Variants in DEPDC1B observed in about 807,000 individuals in gnomAD.
The protein encoded by DEPDC1B is DEP domain containing 1B, also known as DEP domain-containing protein 1B.
A neutral mutation model predicts 66.5 loss-of-function variants in DEPDC1B; 51 were observed. The ratio of observed to expected loss-of-function variants is 0.77; its 90% CI spans 0.61 to 0.97. DEPDC1B has a LOEUF of 0.97. DEPDC1B is among the 50% of genes least tolerant of loss of function. The probability of loss-of-function intolerance (pLI) is 0.00; values close to 1 mark genes in which losing one functional copy is unlikely to be tolerated. For synonymous variants in DEPDC1B, 226 were observed against 223.6 expected (o/e 1.01, Z -0.10); for missense variants, 552 against 637.1 (o/e 0.87, Z 1.44).
At position 60,597,717 on chromosome 5, in the gene DEPDC1B, C is replaced by T. The variant is rs769126100; in HGVS notation, c.*36G>A. On this transcript the variant is annotated 3_prime_UTR_variant, in exon 11 of 11. Transcript: ENST00000265036. ...AACCACCATTCACTCAAAACAACAA[C>T]AGTGGTCTCTAGCACCTGTTGCTGT... 123 of 1,591,422 alleles carry T rather than the reference C, an allele frequency of 7.7e-5. No homozygotes were observed. Among genetic ancestry groups the T allele is most frequent in the Non-Finnish European group, 1.0e-4 (119 of 1,173,400 alleles).
chr5:60,634,675 A>AAAAAAAATAAATAAAT (rs376885269), intron 7 of DEPDC1B, among the ~76,000 whole-genome samples: 1 of 146,458 alleles, frequency 6.8e-6, no homozygotes, highest in African/African-American at 2.5e-5. Flanking sequence ...CTGTCTCAAA[A>AAAAAAAATAAATAAAT]AAATAAATAA....
chr5:60,665,779 T>C (rs1221889777), intron 2 of DEPDC1B, among the ~76,000 whole-genome samples: 1 of 152,148 alleles, frequency 6.6e-6, no homozygotes, highest in Non-Finnish European at 1.5e-5. Context: ...TGCACCTACC[T>C]TTAAACACGG....
chr5:60,646,645 T>G (rs1753322959), intron 3 of DEPDC1B, among the ~76,000 whole-genome samples: 1 of 152,180 alleles, frequency 6.6e-6, no homozygotes. Flanking sequence ...CTGAACGAGG[T>G]GTCCTCAACC....
chr5:60,601,085 T>G (rs1752191571), intron 9 of DEPDC1B, among the ~76,000 whole-genome samples: 1 of 152,226 alleles, frequency 6.6e-6, no homozygotes, highest in Non-Finnish European at 1.5e-5. Context: ...TGCTTCCCCT[T>G]CTGCCATGAT....
chr5:60,679,361 G>A (rs190799672), intron 2 of DEPDC1B, among the ~76,000 whole-genome samples: 1 of 152,192 alleles, frequency 6.6e-6, no homozygotes, highest in African/African-American at 2.4e-5. Flanking sequence ...TAAGAACTGT[G>A]AAAGTAACAT....
intron 2 of DEPDC1B, among the ~76,000 whole-genome samples, chr5:60,666,164 C>T (rs1753835539): frequency 1.3e-5 from 2 of 152,210 alleles, no homozygotes; most frequent in South Asian, 2.1e-4. Context: ...GTGCTTCTAA[C>T]CCAGCGAGGC....
Position 60,699,443 on chromosome 5 carries a change from GAAAA to G in DEPDC1B, c.48+599_48+602del, listed in dbSNP as rs528758437. ...CCTCAATACCAAAGCTTTTCTCCCA[GAAAA>G]AAAAAAAAAAAAAAACAGGAACTCA... On this transcript the variant is annotated intron_variant, in intron 1 of 10. Coordinates refer to ENST00000265036, the MANE Select transcript of DEPDC1B (RefSeq NM_018369.3). Among the ~76,000 whole-genome samples the G allele has an allele frequency of 5.5e-3, 489 of 89,368 alleles. 24 individuals carry two copies. The highest frequency in any genetic ancestry group is 0.024 in the African/African-American group (444 of 18,196). The allele number at this position is 89,368 out of a possible 152,430, so 58.6% of individuals were successfully genotyped here. A position where few individuals can be genotyped will look rare whatever the true frequency, so the allele number is the denominator to read the frequency against.
At chr5:60,690,121 T>C (rs1274934583) in intron 1 of DEPDC1B, among the ~76,000 whole-genome samples, 2 of 152,204 alleles carry the variant, frequency 1.3e-5, no homozygotes, top group African/African-American at 4.8e-5. Context: ...TTAATAAACC[T>C]GAAGTGTTTT....
intron 1 of DEPDC1B, among the ~76,000 whole-genome samples, chr5:60,690,395 G>C (rs1158707911): frequency 6.6e-6 from 1 of 151,958 alleles, no homozygotes; most frequent in Non-Finnish European, 1.5e-5. Flanking sequence ...TATCTGCTTT[G>C]GTATATGCAT....
rs746007077 is a variant in DEPDC1B, at chr5:60,645,563, G to C, written c.507C>G (p.Cys169Trp). ...HSIAIGEVPA[C>W]RLVHRRQLTE... ...TCAGCTGTCTGCGGTGGACAAGACGGCAAGCTGGCACCTCTCCAATTGCAA... is the reference window on the plus strand; with the variant it reads ...TCAGCTGTCTGCGGTGGACAAGACGCCAAGCTGGCACCTCTCCAATTGCAA... The change falls in exon 4 of 11, where the codon TGC (cysteine) becomes TGG (tryptophan). Residue 169 changes from cysteine to tryptophan, a missense_variant. By Grantham distance (215) the Cys-to-Trp change is radical. Coordinates refer to ENST00000265036, the MANE Select transcript of DEPDC1B (RefSeq NM_018369.3). 5.0e-6 allele frequency: 8 copies of C among 1,613,044 alleles called. 1 individual carries two copies. The Admixed American group carries it at 1.3e-4, about 27-fold the overall frequency.
chr5:60,673,710 C>T (rs112251929), intron 2 of DEPDC1B, among the ~76,000 whole-genome samples: 1,889 of 152,298 alleles, frequency 0.012, 16 homozygotes, highest in Non-Finnish European at 0.02. Flanking sequence ...CATCTCAAGG[C>T]AAGTTACCAC....
At chr5:60,657,223 G>T (rs954543276) in intron 2 of DEPDC1B, among the ~76,000 whole-genome samples, 4 of 152,148 alleles carry the variant, frequency 2.6e-5, no homozygotes, top group African/African-American at 9.7e-5. Context: ...CAGATACTTG[G>T]TTGGTGAATT....
intron 7 of DEPDC1B, among the ~76,000 whole-genome samples, chr5:60,608,457 TTATTA>T (rs1225515366): frequency 2.7e-5 from 4 of 148,198 alleles, no homozygotes; most frequent in East Asian, 1.9e-4. Flanking sequence ...TATATTATAT[TTATTA>T]TATTATATTA....
chr5:60,698,026 G>A (rs572289320), intron 1 of DEPDC1B, among the ~76,000 whole-genome samples: 1 of 152,188 alleles, frequency 6.6e-6, no homozygotes, highest in South Asian at 2.1e-4. Context: ...CAATTATGAG[G>A]TATTTTTTTT....
At chr5:60,680,526 C>CT (rs976556902) in intron 2 of DEPDC1B, among the ~76,000 whole-genome samples, 2 of 152,134 alleles carry the variant, frequency 1.3e-5, no homozygotes, top group African/African-American at 2.4e-5. Flanking sequence ...TACTAATCAT[C>CT]TTTGTTATAA....
intron 5 of DEPDC1B, among the ~76,000 whole-genome samples, chr5:60,643,197 A>G (rs1216969587): frequency 3.9e-5 from 6 of 152,236 alleles, no homozygotes; most frequent in Non-Finnish European, 7.3e-5. Context: ...AAAAAGAAAA[A>G]GAAAAGAAAA....
intron 7 of DEPDC1B, among the ~76,000 whole-genome samples, chr5:60,627,435 C>CT (rs778009231): frequency 5.5e-4 from 82 of 149,124 alleles, no homozygotes; most frequent in East Asian, 3.3e-3. Context: ...AGCATTCTAT[C>CT]TTTTTTTTTT....
chr5:60,620,212 T>C (rs1438748294), intron 7 of DEPDC1B, among the ~76,000 whole-genome samples: 1 of 152,146 alleles, frequency 6.6e-6, no homozygotes, highest in African/African-American at 2.4e-5. Flanking sequence ...GGCAATACCA[T>C]TCAGGACATA....
intron 7 of DEPDC1B, among the ~76,000 whole-genome samples, chr5:60,625,334 GGCTGA>G: frequency 6.6e-6 from 1 of 152,254 alleles, no homozygotes; most frequent in South Asian, 2.1e-4. Flanking sequence ...CTTCCACAAT[GGCTGA>G]GCTAATTTAC....
Sources: gnomAD v4.1 joint callset for allele counts (sites outside exome capture counted in the v4.1 genomes callset) on GRCh38, gnomAD v4.1.1 for gene constraint, MANE v1.5 for transcripts, NCBI Gene and HGNC (gene_info 2026-07-23, HGNC 2026-07-21) for gene names.